Variants in PTPRN2 observed in about 807,000 individuals in gnomAD.
The protein encoded by PTPRN2 is receptor-type tyrosine-protein phosphatase N2.
PTPRN2 carries 74 observed loss-of-function variants against 118.8 expected under a neutral mutation model. The observed-to-expected ratio is 0.62, with a 90% CI of 0.52 to 0.76. The LOEUF (loss-of-function observed/expected upper bound fraction) is 0.76, where lower values mean the gene tolerates loss of function less well. PTPRN2 is among the 30% of genes least tolerant of loss of function. The pLI is 0.00. For missense variants in PTPRN2, 1,481 were observed against 1,394.4 expected, an observed-to-expected ratio of 1.06 and a Z score of -0.99; for synonymous variants, 641 against 608.0, an observed-to-expected ratio of 1.05 and a Z score of -0.80.
intron 2 of PTPRN2, among the ~76,000 whole-genome samples, chr7:158,341,277 C>A (rs1806710561): frequency 6.6e-6 from 1 of 151,114 alleles, no homozygotes; most frequent in African/African-American, 2.4e-5. Flanking sequence ...CACCCACACT[C>A]TCACCATAAG....
intron 1 of PTPRN2, among the ~76,000 whole-genome samples, chr7:158,518,941 C>T (rs886803964): frequency 1.4e-4 from 22 of 152,082 alleles, no homozygotes; most frequent in Admixed American, 5.2e-4. Flanking sequence ...GCTGAGATTA[C>T]GCCACTGCAC....
chr7:158,392,425 G>A (rs10234577), intron 2 of PTPRN2, among the ~76,000 whole-genome samples: 1,958 of 152,288 alleles, frequency 0.013, 54 homozygotes, highest in African/African-American at 0.045. Context: ...AGAGGGCGGC[G>A]GGGATCTGCT....
chr7:157,710,869 G>A (rs111896433), intron 12 of PTPRN2, among the ~76,000 whole-genome samples: 2 of 21,060 alleles, frequency 9.5e-5, no homozygotes, highest in East Asian at 1.0e-3. Context: ...CGGAGGTTCC[G>A]GGGCAGCCGG....
intron 3 of PTPRN2, among the ~76,000 whole-genome samples, chr7:158,307,330 G>C (rs1246607136): frequency 6.6e-6 from 1 of 152,092 alleles, no homozygotes; most frequent in Non-Finnish European, 1.5e-5. Context: ...CTCAACAGCA[G>C]ATCTTAGCAG....
chr7:157,670,057 G>A (rs569587212), intron 13 of PTPRN2, among the ~76,000 whole-genome samples: 30 of 152,314 alleles, frequency 2.0e-4, no homozygotes, highest in African/African-American at 5.3e-4. Context: ...GGGACCGAGT[G>A]TCCCACACCA....
At chr7:158,119,749 T>C (rs188390827) in intron 9 of PTPRN2, among the ~76,000 whole-genome samples, 1 of 152,210 alleles carries the variant, frequency 6.6e-6, no homozygotes, top group East Asian at 1.9e-4. Context: ...TAGGTATGTA[T>C]GTATAGGAAA....
chr7:158,289,488 C>T (rs1799969176), intron 3 of PTPRN2, among the ~76,000 whole-genome samples: 1 of 152,182 alleles, frequency 6.6e-6, no homozygotes, highest in South Asian at 2.1e-4. Context: ...TTTCCACATC[C>T]AGAGTTTCTA....
chr7:158,287,007 ACTAATCAAAT>A (rs1273717621), intron 3 of PTPRN2, among the ~76,000 whole-genome samples: 1 of 152,180 alleles, frequency 6.6e-6, no homozygotes, highest in African/African-American at 2.4e-5. Flanking sequence ...ACTTTTTATT[ACTAATCAAAT>A]CTCCATATTT....
In PTPRN2 at chr7:157,974,798, A is replaced by G. The variant is rs1194304757; in HGVS notation, c.1724-76061T>C. ...GGTGGGGGGTCTGGCAAGTGTAGAC[A>G]CAGGGCAGAAGTGGGCGCAGTGTCT... On this transcript the variant is annotated intron_variant, in intron 11 of 22. Transcript: ENST00000389418. The surrounding 1 kb of genome is among the most constrained non-coding windows in gnomAD (Gnocchi z 4.0). Among the ~76,000 whole-genome samples, 1 of 151,970 alleles carries G rather than the reference A, an allele frequency of 6.6e-6. No homozygotes were observed. Among genetic ancestry groups the G allele is most frequent in the Non-Finnish European group, 1.5e-5 (1 of 67,972 alleles).
chr7:157,772,228 C>G, intron 12 of PTPRN2, among the ~76,000 whole-genome samples: 1 of 151,808 alleles, frequency 6.6e-6, no homozygotes, highest in Non-Finnish European at 1.5e-5. Flanking sequence ...GACACAGACA[C>G]ACACACATAC....
chr7:158,287,179 G>A (rs1462217179), intron 3 of PTPRN2, among the ~76,000 whole-genome samples: 1 of 151,962 alleles, frequency 6.6e-6, no homozygotes, highest in East Asian at 1.9e-4. Flanking sequence ...GGTATTTGTT[G>A]TAATGTTTCC....
At chr7:158,374,389 C>T (rs1325262381) in intron 2 of PTPRN2, among the ~76,000 whole-genome samples, 2 of 152,136 alleles carry the variant, frequency 1.3e-5, no homozygotes, top group Admixed American at 6.5e-5. Flanking sequence ...CACACTCACT[C>T]GCTCCTGTGA....
intron 21 of PTPRN2, among the ~76,000 whole-genome samples, chr7:157,549,757 C>A (rs996965612): frequency 6.6e-6 from 1 of 152,206 alleles, no homozygotes; most frequent in African/African-American, 2.4e-5. Flanking sequence ...ACCTCTCCAG[C>A]GTGTTGCAGT....
chr7:158,470,204 G>GA (rs958553712), intron 2 of PTPRN2, among the ~76,000 whole-genome samples: 2 of 152,136 alleles, frequency 1.3e-5, no homozygotes, highest in Non-Finnish European at 2.9e-5. Context: ...AACAACTGGG[G>GA]AAAAAAACAT....
At chr7:157,921,076 C>A (rs1798667917) in intron 11 of PTPRN2, among the ~76,000 whole-genome samples, 1 of 152,160 alleles carries the variant, frequency 6.6e-6, no homozygotes, top group South Asian at 2.1e-4. Flanking sequence ...TGGAAGCAAC[C>A]ATGATGTCCT....
intron 1 of PTPRN2, among the ~76,000 whole-genome samples, chr7:158,581,237 T>A (rs1000847472): frequency 6.6e-6 from 1 of 152,236 alleles, no homozygotes; most frequent in African/African-American, 2.4e-5. Flanking sequence ...CCAGGTGTCC[T>A]GTGGTACATT....
intron 2 of PTPRN2, among the ~76,000 whole-genome samples, chr7:158,387,382 C>T (rs1272838987): frequency 6.6e-6 from 1 of 152,274 alleles, no homozygotes; most frequent in African/African-American, 2.4e-5. Flanking sequence ...ACCACGCTCA[C>T]TGCCTTCGCT....
At chr7:158,223,280 T>G (rs1423529228) in intron 3 of PTPRN2, among the ~76,000 whole-genome samples, 1 of 152,172 alleles carries the variant, frequency 6.6e-6, no homozygotes, top group Non-Finnish European at 1.5e-5. Context: ...CATAAATATC[T>G]TCCAGAAAAT....
At chr7:158,336,404 T>C (rs1173316714) in intron 2 of PTPRN2, among the ~76,000 whole-genome samples, 6 of 129,680 alleles carry the variant, frequency 4.6e-5, no homozygotes, top group Non-Finnish European at 8.1e-5. Flanking sequence ...ACACCCACAC[T>C]CTCACAATAA....
Sources: allele counts gnomAD v4.1 joint callset (sites outside exome capture counted in the v4.1 genomes callset), GRCh38; gene constraint gnomAD v4.1.1; non-coding constraint Gnocchi (gnomAD v3.1); transcripts MANE v1.5; gene names NCBI Gene and HGNC (gene_info 2026-07-23, HGNC 2026-07-21).